The following RSU1 variants were observed in gnomAD, a reference collection of about 807,000 sequenced individuals.
The protein encoded by RSU1 is Ras suppressor protein 1.
Under a neutral mutation model 31.1 loss-of-function variants are expected in RSU1, and 26 were observed. That is an observed-to-expected ratio of 0.84 (90% CI 0.61 to 1.16). The LOEUF (loss-of-function observed/expected upper bound fraction) is 1.16. RSU1 is among the 50% of genes most tolerant of loss of function. The pLI, the probability that RSU1 is intolerant of heterozygous loss-of-function variation, is 0.00. For synonymous variants in RSU1, 164 were observed against 136.3 expected (o/e 1.20, Z -1.41); for missense variants, 320 against 339.1 (o/e 0.94, Z 0.44).
In RSU1 at chr10:16,629,031, C is replaced by T. The variant is rs17138887; in HGVS notation, c.732-35535G>A. 5.2e-3 allele frequency among the ~76,000 whole-genome samples: 794 copies of T among 152,254 alleles called. 7 individuals are homozygous for T. The highest frequency in any genetic ancestry group is 0.018 in the African/African-American group (753 of 41,518). The stretch of plus-strand genomic sequence containing the variant: ...TCCTCAAATGCATCACTCTTGGCCA[C>T]AGCACTATCAACACCGCTGCCATGG... On this transcript the variant is annotated intron_variant, in intron 8 of 8. Transcript: ENST00000345264.
chr10:16,806,308 C>T (rs574035720), intron 2 of RSU1, among the ~76,000 whole-genome samples: 3 of 152,248 alleles, frequency 2.0e-5, no homozygotes, highest in Admixed American at 6.5e-5. Context: ...CTGAATTAGC[C>T]GTTATCTTCA....
intron 8 of RSU1, among the ~76,000 whole-genome samples, chr10:16,664,141 C>A (rs1166658979): frequency 1.3e-5 from 2 of 152,150 alleles, no homozygotes; most frequent in Non-Finnish European, 2.9e-5. Context: ...AATGCATCTC[C>A]TTTAACACAT....
intron 3 of RSU1, among the ~76,000 whole-genome samples, chr10:16,779,085 G>A (rs774036080): frequency 3.3e-5 from 5 of 152,114 alleles, no homozygotes; most frequent in South Asian, 2.1e-4. Flanking sequence ...TATTCTTCCC[G>A]TCTCCTTAAA....
rs548198955 is a variant in RSU1, at chr10:16,762,544, G to T, written c.281+1846C>A. ...AAAAAAAAACCATCTCATCTCAAGC[G>T]ATGTTCCTCCCTCCTTTTAACTTCA... On this transcript the variant is annotated intron_variant, in intron 4 of 8. Transcript: ENST00000345264. Among the ~76,000 whole-genome samples the T allele has an allele frequency of 3.3e-5, 5 of 150,504 alleles. No homozygotes were observed. The South Asian group carries it at 1.0e-3, about 31-fold the overall frequency.
chr10:16,739,979 T>C (rs1836719228), intron 7 of RSU1, among the ~76,000 whole-genome samples: 1 of 152,050 alleles, frequency 6.6e-6, no homozygotes. Flanking sequence ...CTGAAGAGCC[T>C]TATATCAAAA....
intron 8 of RSU1, among the ~76,000 whole-genome samples, chr10:16,659,809 T>C (rs763751696): frequency 1.2e-4 from 19 of 152,248 alleles, no homozygotes; most frequent in Non-Finnish European, 2.4e-4. Flanking sequence ...TTGTTTTTAA[T>C]GTCTCCTCTT....
chr10:16,605,043 C>T (rs1588670243), intron 8 of RSU1, among the ~76,000 whole-genome samples: 2 of 152,274 alleles, frequency 1.3e-5, no homozygotes, highest in African/African-American at 2.4e-5. Context: ...AGAGACTGGG[C>T]CTAAGGACAT....
chr10:16,669,873 T>A (rs1488727297), intron 8 of RSU1, among the ~76,000 whole-genome samples: 2 of 152,204 alleles, frequency 1.3e-5, no homozygotes, highest in Non-Finnish European at 2.9e-5. Flanking sequence ...TATTGTAAAT[T>A]CATCTTCTCT....
intron 8 of RSU1, among the ~76,000 whole-genome samples, chr10:16,654,237 A>C (rs968834295): frequency 6.6e-6 from 1 of 151,150 alleles, no homozygotes; most frequent in Non-Finnish European, 1.5e-5. Context: ...TACTGACCTC[A>C]GGTGATCAGC....
At chr10:16,797,932 G>A (rs1000235623) in intron 2 of RSU1, among the ~76,000 whole-genome samples, 3 of 146,878 alleles carry the variant, frequency 2.0e-5, no homozygotes, top group Non-Finnish European at 3.0e-5. Context: ...GGCAATCTCG[G>A]CTCACTGTAA....
intron 8 of RSU1, among the ~76,000 whole-genome samples, chr10:16,597,305 C>T (rs192904627): frequency 4.6e-5 from 7 of 152,228 alleles, no homozygotes; most frequent in Middle Eastern, 3.4e-3. Flanking sequence ...TTTTTCGGAG[C>T]GAACTGGAAT....
At position 16,782,059 on chromosome 10, in the gene RSU1, C is replaced by G; in HGVS notation, c.135G>C (p.Leu45=). The G allele has an allele frequency of 6.2e-7, 1 of 1,611,536 alleles. No individual in the cohort carries two copies. The highest frequency in any genetic ancestry group is 8.5e-7 in the Non-Finnish European group (1 of 1,179,112). ...TTGTTAGCTTGTTATGGCTGAGGACCAGTTGTGTGATATGGGATAAGGTAA... is the reference window on the plus strand; with the variant it reads ...TTGTTAGCTTGTTATGGCTGAGGACGAGTTGTGTGATATGGGATAAGGTAA... ...GLFTLSHITQ[L]VLSHNKLTMV... is the part of the protein sequence containing the mutation. Residue 45 remains leucine, a synonymous_variant, in exon 3 of 9, where the codon CTG becomes CTC. Coordinates refer to ENST00000345264, the MANE Select transcript of RSU1 (RefSeq NM_012425.4).
intron 8 of RSU1, among the ~76,000 whole-genome samples, chr10:16,615,681 G>C (rs1349174754): frequency 2.3e-4 from 35 of 152,030 alleles, no homozygotes; most frequent in Admixed American, 2.3e-3. Flanking sequence ...GTAACAGTCT[G>C]TCAGACCACA....
intron 7 of RSU1, among the ~76,000 whole-genome samples, chr10:16,701,313 T>G (rs1835788437): frequency 6.6e-6 from 1 of 152,236 alleles, no homozygotes. Context: ...CTCTTCTGTC[T>G]GCGTAATAGA....
chr10:16,620,026 G>A (rs1186247074), intron 8 of RSU1, among the ~76,000 whole-genome samples: 1 of 152,030 alleles, frequency 6.6e-6, no homozygotes, highest in Non-Finnish European at 1.5e-5. Flanking sequence ...TTATTGACAG[G>A]CTACCTATGA....
intron 2 of RSU1, among the ~76,000 whole-genome samples, chr10:16,784,543 C>G (rs1035778045): frequency 6.6e-6 from 1 of 152,096 alleles, no homozygotes; most frequent in Non-Finnish European, 1.5e-5. Flanking sequence ...GGGGTATTAG[C>G]CTGTTCTCAC....
Position 16,812,310 on chromosome 10 carries a change from C to T in RSU1, c.109+4663G>A, listed in dbSNP as rs144383739. Among the ~76,000 whole-genome samples, 250 of 152,232 alleles carry T rather than the reference C, an allele frequency of 1.6e-3. 2 individuals carry two copies. The highest frequency in any genetic ancestry group is 5.7e-3 in the African/African-American group (235 of 41,540). On this transcript the variant is annotated intron_variant, in intron 2 of 8. Transcript: ENST00000345264. ...TATAAAAATTAGCCAGGTGTGGTGG[C>T]GCACGCCTGTAACCCCAGTTACTGG... is the stretch of plus-strand genomic sequence containing the variant.
At chr10:16,764,297 G>A (rs554356453) in intron 4 of RSU1, 93 bp downstream of exon 4, 2 of 1,327,152 alleles carry the variant, frequency 1.5e-6, no homozygotes, top group South Asian at 4.0e-5. Context: ...CCATTTCTGT[G>A]CAATAATATA....
intron 8 of RSU1, among the ~76,000 whole-genome samples, chr10:16,662,415 G>A (rs1008757709): frequency 6.6e-6 from 1 of 152,190 alleles, no homozygotes; most frequent in Non-Finnish European, 1.5e-5. Flanking sequence ...TAAAAGAGAA[G>A]TTACCATATA....
Sources: allele counts gnomAD v4.1 joint callset (sites outside exome capture counted in the v4.1 genomes callset), GRCh38; gene constraint gnomAD v4.1.1; transcripts MANE v1.5; gene names NCBI Gene and HGNC (gene_info 2026-07-23, HGNC 2026-07-21).